Variants in EFR3B observed in about 807,000 individuals in gnomAD.
EFR3B encodes protein EFR3 homolog B.
In EFR3B, 64 loss-of-function variants were observed where a neutral mutation model predicts 104.7. The ratio of observed to expected loss-of-function variants is 0.61; its 90% CI spans 0.50 to 0.75. The LOEUF (loss-of-function observed/expected upper bound fraction) is 0.75. Ranked by LOEUF, EFR3B falls within the 30% of genes least tolerant of loss-of-function variation. The pLI, the probability that EFR3B is intolerant of heterozygous loss-of-function variation, is 0.00. For missense variants in EFR3B, 750 were observed against 1,078.5 expected (o/e 0.70, Z 4.27); for synonymous variants, 385 against 417.9 (o/e 0.92, Z 0.96).
In EFR3B at chr2:25,158,698, G is replaced by A. The variant is rs1671239144; in HGVS notation, c.*4358G>A. ...CTGGCCAGGTCTCCTGTACTTCAGG[G>A]GACCATGGGGCCGCCCAAGCCAGTC... On this transcript the variant is annotated 3_prime_UTR_variant, in exon 23 of 23. Coordinates refer to ENST00000403714, the MANE Select transcript of EFR3B (RefSeq NM_014971.2). The A allele has an allele frequency of 6.6e-6, 1 of 152,156 alleles. No individual in the cohort carries two copies. Among genetic ancestry groups the A allele is most frequent in the South Asian group, 2.1e-4 (1 of 4,826 alleles). The allele number at this position is 152,156 out of a possible 1,614,324, so 9.4% of individuals were successfully genotyped here. A position where few individuals can be genotyped will look rare whatever the true frequency, so the allele number is the denominator to read the frequency against.
At chr2:25,073,607 T>C (rs1029891896) in intron 1 of EFR3B, among the ~76,000 whole-genome samples, 7 of 152,132 alleles carry the variant, frequency 4.6e-5, no homozygotes, top group African/African-American at 1.4e-4. Flanking sequence ...TCCACCTGCC[T>C]CGGTCTCCCA....
At chr2:25,043,629 G>A (rs1458998127) in intron 1 of EFR3B, among the ~76,000 whole-genome samples, 2 of 152,250 alleles carry the variant, frequency 1.3e-5, no homozygotes, top group Non-Finnish European at 2.9e-5. Flanking sequence ...GACCAAGTGG[G>A]AGGAGGGGGA....
In EFR3B at chr2:25,081,165, A is replaced by T. The variant is rs544672832; in HGVS notation, c.8-10160A>T. ...ATTGCATATTCCACCCTTTTCTCCC[A>T]TTTGCTTGGTAAACAACTTTTTCCC... On this transcript the variant is annotated intron_variant, in intron 1 of 22. Coordinates refer to ENST00000403714, the MANE Select transcript of EFR3B (RefSeq NM_014971.2). 30 of 724,728 alleles carry T rather than the reference A, an allele frequency of 4.1e-5. No homozygotes were observed. The South Asian group carries it at 4.5e-4, about 11-fold the overall frequency. The allele number at this position is 724,728 out of a possible 1,614,324, so 44.9% of individuals were successfully genotyped here.
At chr2:25,047,564 T>C (rs6720580) in intron 1 of EFR3B, among the ~76,000 whole-genome samples, 64,776 of 152,006 alleles carry the variant, frequency 0.43, 16,704 homozygotes, top group Middle Eastern at 0.61. Context: ...AGTGGCGTGG[T>C]CTTGACTCAC....
intron 16 of EFR3B, among the ~76,000 whole-genome samples, chr2:25,140,026 T>A (rs541019706): frequency 6.6e-6 from 1 of 152,296 alleles, no homozygotes; most frequent in African/African-American, 2.4e-5. Flanking sequence ...TAAAATACAT[T>A]AGCAAGCCAG....
At chr2:25,076,170 G>C (rs1256182637) in intron 1 of EFR3B, among the ~76,000 whole-genome samples, 1 of 152,130 alleles carries the variant, frequency 6.6e-6, no homozygotes, top group African/African-American at 2.4e-5. Flanking sequence ...TGAGATTACA[G>C]GTGTGAGCCA....
At chr2:25,085,113 C>A (rs1668913894) in intron 1 of EFR3B, among the ~76,000 whole-genome samples, 1 of 152,200 alleles carries the variant, frequency 6.6e-6, no homozygotes, top group African/African-American at 2.4e-5. Flanking sequence ...TTGTACCTCT[C>A]TTCTGGGAAG....
intron 11 of EFR3B, 124 bp downstream of exon 11, chr2:25,133,138 C>A: frequency 1.0e-6 from 1 of 981,906 alleles, no homozygotes; most frequent in South Asian, 1.6e-5. Flanking sequence ...TCCCAAATCC[C>A]TCAGCAGCCT....
intron 20 of EFR3B, among the ~76,000 whole-genome samples, 176 bp from the exon 21 acceptor site, chr2:25,151,738 G>A (rs770932575): frequency 5.9e-5 from 9 of 152,298 alleles, no homozygotes; most frequent in Non-Finnish European, 1.2e-4. Context: ...GCAGAATCAG[G>A]AAGAGGTCCC....
At chr2:25,105,449 C>T (rs984065662) in intron 4 of EFR3B, among the ~76,000 whole-genome samples, 5 of 152,364 alleles carry the variant, frequency 3.3e-5, no homozygotes, top group African/African-American at 9.6e-5. Flanking sequence ...CCACGCCCAG[C>T]CCTCAATCTG....
intron 4 of EFR3B, among the ~76,000 whole-genome samples, chr2:25,104,780 T>C (rs959859678): frequency 1.9e-4 from 29 of 152,232 alleles, no homozygotes; most frequent in African/African-American, 7.0e-4. Context: ...TTACCTTTTA[T>C]GGGCCTCAGT....
intron 4 of EFR3B, among the ~76,000 whole-genome samples, chr2:25,107,674 A>G (rs1669603341): frequency 6.6e-6 from 1 of 151,686 alleles, no homozygotes; most frequent in South Asian, 2.1e-4. Context: ...CTCATTCCAT[A>G]TAGATATTCA....
chr2:25,071,467 G>T (rs1668495144), intron 1 of EFR3B, among the ~76,000 whole-genome samples: 4 of 151,276 alleles, frequency 2.6e-5, no homozygotes, highest in Admixed American at 2.0e-4. Context: ...CACTATGTTG[G>T]CCAGGCCGGT....
intron 1 of EFR3B, among the ~76,000 whole-genome samples, chr2:25,068,202 A>G (rs1668389548): frequency 6.6e-6 from 1 of 152,154 alleles, no homozygotes; most frequent in Non-Finnish European, 1.5e-5. Flanking sequence ...TATGAGCCAT[A>G]AGTCTGAGAT....
intron 1 of EFR3B, among the ~76,000 whole-genome samples, chr2:25,048,654 TAAC>T (rs763498942): frequency 2.0e-5 from 3 of 152,162 alleles, no homozygotes; most frequent in Non-Finnish European, 4.4e-5. Context: ...ATATATAAAA[TAAC>T]AAGAGTTACA....
At chr2:25,100,784 G>T (rs1013452159) in intron 3 of EFR3B, among the ~76,000 whole-genome samples, 1 of 152,058 alleles carries the variant, frequency 6.6e-6, no homozygotes, top group South Asian at 2.1e-4. Context: ...GAGCCACAGC[G>T]CCCGGCCTCC....
intron 3 of EFR3B, among the ~76,000 whole-genome samples, chr2:25,099,933 T>C (rs1218283766): frequency 6.6e-6 from 1 of 151,318 alleles, no homozygotes; most frequent in East Asian, 1.9e-4. Context: ...CTGGGTGCAG[T>C]GGCTCACACC....
chr2:25,154,596 G>T lies in EFR3B; in HGVS notation c.*256G>T. Reference sequence around the variant, plus strand: ...CTTTGTCTTCTCTTGTGTCAGCCAGGGGCAGAGAATCATGGGGTGTCTCTC... The same window carrying T: ...CTTTGTCTTCTCTTGTGTCAGCCAGTGGCAGAGAATCATGGGGTGTCTCTC... On this transcript the variant is annotated 3_prime_UTR_variant, in exon 23 of 23. Transcript: ENST00000403714. This position sits in a 1 kb window ranked among gnomAD's most constrained non-coding sequence, Gnocchi z 4.1. 2.2e-6 allele frequency: 1 copy of T among 452,868 alleles called. No homozygotes were observed. The highest frequency in any genetic ancestry group is 3.9e-6 in the Non-Finnish European group (1 of 256,252). 28.1% of individuals were successfully genotyped at this position (452,868 alleles called of 1,614,324 possible). A position where few individuals can be genotyped will look rare whatever the true frequency, so the allele number is the denominator to read the frequency against.
intron 20 of EFR3B, 100 bp downstream of exon 20, chr2:25,149,842 G>A: frequency 9.1e-7 from 1 of 1,099,242 alleles, no homozygotes; most frequent in Non-Finnish European, 1.4e-6. Flanking sequence ...CTCCGCAGTG[G>A]GATCCAGCAC....
Sources: allele counts gnomAD v4.1 joint callset (sites outside exome capture counted in the v4.1 genomes callset), GRCh38; gene constraint gnomAD v4.1.1; non-coding constraint Gnocchi (gnomAD v3.1); transcripts MANE v1.5; gene names NCBI Gene and HGNC (gene_info 2026-07-23, HGNC 2026-07-21).